PI4KA: variants seen among roughly 807,000 people sequenced by gnomAD.
The protein encoded by PI4KA is phosphatidylinositol 4-kinase alpha.
Under a neutral mutation model 271.4 loss-of-function variants are expected in PI4KA, and 122 were observed. The ratio of observed to expected loss-of-function variants is 0.45; its 90% CI spans 0.39 to 0.52. The LOEUF is 0.52. PI4KA is among the 20% of genes least tolerant of loss of function. PI4KA has a pLI of 0.00. For missense variants in PI4KA, 1,969 were observed against 2,769.1 expected, an observed-to-expected ratio of 0.71 and a Z score of 6.48; for synonymous variants, 1,041 against 1,078.8, an observed-to-expected ratio of 0.96 and a Z score of 0.69.
chr22:20,749,652 CCA>C (rs1280421893), intron 28 of PI4KA, among the ~76,000 whole-genome samples: 1 of 152,262 alleles, frequency 6.6e-6, no homozygotes, highest in African/African-American at 2.4e-5. Flanking sequence ...CCAAGTCTTG[CCA>C]CAGACCTGGC....
At chr22:20,720,048 A>C (rs1926537855) in intron 43 of PI4KA, among the ~76,000 whole-genome samples, 1 of 128,614 alleles carries the variant, frequency 7.8e-6, no homozygotes, top group Non-Finnish European at 1.6e-5. Flanking sequence ...AAAAAAAAAA[A>C]AAACCCTTTC....
intron 36 of PI4KA, among the ~76,000 whole-genome samples, chr22:20,731,861 G>A (rs1295562762): frequency 3.4e-5 from 5 of 148,988 alleles, no homozygotes; most frequent in East Asian, 2.0e-4. Context: ...CCCGGGAGGC[G>A]GAGCTTGCAG....
chr22:20,795,916 C>T (rs917441737), intron 18 of PI4KA, among the ~76,000 whole-genome samples: 9 of 152,152 alleles, frequency 5.9e-5, no homozygotes, highest in Non-Finnish European at 8.8e-5. Flanking sequence ...TAGGATGGGT[C>T]GGGCAGCTTT....
At chr22:20,762,793 G>C (rs966726133) in intron 22 of PI4KA, among the ~76,000 whole-genome samples, 1 of 152,172 alleles carries the variant, frequency 6.6e-6, no homozygotes, top group African/African-American at 2.4e-5. Context: ...ATGACAGTGA[G>C]GTCAGTGTTT....
chr22:20,816,396 T>C (rs566526151), intron 7 of PI4KA, among the ~76,000 whole-genome samples: 12 of 152,314 alleles, frequency 7.9e-5, no homozygotes, highest in African/African-American at 2.9e-4. Context: ...CCCAAGGTGC[T>C]GTGATTACAG....
intron 19 of PI4KA, among the ~76,000 whole-genome samples, chr22:20,766,139 C>T (rs1283017602): frequency 6.6e-6 from 1 of 152,216 alleles, no homozygotes; most frequent in Admixed American, 6.5e-5. Flanking sequence ...GAAAGGCAAA[C>T]AATGGATGCG....
intron 32 of PI4KA, among the ~76,000 whole-genome samples, chr22:20,738,209 G>A (rs1051611099): frequency 3.3e-5 from 5 of 152,084 alleles, no homozygotes; most frequent in African/African-American, 4.8e-5. Context: ...TCCCAGGATC[G>A]GGTCCCTCCT....
Position 20,784,081 on chromosome 22 carries a change from C to A in PI4KA, c.2328+9112G>T, listed in dbSNP as rs1008257. Reference sequence around the variant, plus strand: ...TGATGCAGACCAAGGGGAACTTCCTCGCAGCAAATGACCAGGAGCTGGACT... The same window carrying A: ...TGATGCAGACCAAGGGGAACTTCCTAGCAGCAAATGACCAGGAGCTGGACT... On this transcript the variant is annotated intron_variant, in intron 19 of 54. Coordinates refer to ENST00000255882, the MANE Select transcript of PI4KA (RefSeq NM_058004.4). 7 of 1,614,158 alleles carry A rather than the reference C, an allele frequency of 4.3e-6. No homozygotes were observed. The South Asian group carries it at 7.7e-5, about 18-fold the overall frequency.
intron 1 of PI4KA, among the ~76,000 whole-genome samples, chr22:20,842,664 T>C (rs1382889320): frequency 6.6e-6 from 1 of 151,072 alleles, no homozygotes; most frequent in Non-Finnish European, 1.5e-5. Flanking sequence ...AATACAAAAA[T>C]CAGCCAGGTG....
intron 42 of PI4KA, among the ~76,000 whole-genome samples, chr22:20,726,014 T>G (rs998295998): frequency 6.6e-6 from 1 of 152,078 alleles, no homozygotes; most frequent in Non-Finnish European, 1.5e-5. Context: ...GTTTTTTGTT[T>G]GTTTGTTTGT....
At chr22:20,840,453 T>C (rs1195299307) in intron 1 of PI4KA, among the ~76,000 whole-genome samples, 1 of 152,168 alleles carries the variant, frequency 6.6e-6, no homozygotes, top group Non-Finnish European at 1.5e-5. Context: ...GGGCATCAAG[T>C]TTAGAACTGA....
chr22:20,757,862 T>G (rs1931478091), intron 23 of PI4KA, among the ~76,000 whole-genome samples: 1 of 152,118 alleles, frequency 6.6e-6, no homozygotes, highest in African/African-American at 2.4e-5. Flanking sequence ...CCTTTTTTTG[T>G]CTCCTCAGGT....
chr22:20,807,167 G>A (rs763222105), intron 10 of PI4KA, among the ~76,000 whole-genome samples, 195 bp downstream of exon 10: 53 of 152,326 alleles, frequency 3.5e-4, no homozygotes, highest in East Asian at 5.8e-4. Context: ...CGATGGTACC[G>A]GGGTTGCAGG....
intron 19 of PI4KA, among the ~76,000 whole-genome samples, chr22:20,773,016 G>A (rs780588928): frequency 5.3e-5 from 8 of 152,020 alleles, no homozygotes; most frequent in Non-Finnish European, 1.0e-4. Flanking sequence ...GCTTCAGCTC[G>A]GGAGGTTGAG....
At chr22:20,792,844 A>T (rs1375931544) in intron 19 of PI4KA, among the ~76,000 whole-genome samples, 1 of 152,214 alleles carries the variant, frequency 6.6e-6, no homozygotes, top group Non-Finnish European at 1.5e-5. Context: ...GAAGGGATGG[A>T]AGCAGGGAGC....
At chr22:20,808,028 C>T (rs1935766196) in intron 9 of PI4KA, among the ~76,000 whole-genome samples, 2 of 151,708 alleles carry the variant, frequency 1.3e-5, no homozygotes. Context: ...TGGTGGCTCA[C>T]GCCTGTAATC....
In PI4KA at chr22:20,712,812, G is replaced by A. The variant is rs1925484075; in HGVS notation, c.5572-15C>T. The A allele has an allele frequency of 6.4e-7, 1 of 1,550,566 alleles. No individual in the cohort carries two copies. ...GCCAGCATGTCCTGGGAAGCCGGGA[G>A]GCGCAGGATGCGGTCAGTTGGCGTC... On this transcript the variant is annotated splice_polypyrimidine_tract_variant and intron_variant, in intron 48 of 54. Coordinates refer to ENST00000255882, the MANE Select transcript of PI4KA (RefSeq NM_058004.4).
chr22:20,721,568 G>C, intron 42 of PI4KA, 150 bp from the exon 43 acceptor site: 3 of 763,304 alleles, frequency 3.9e-6, no homozygotes, highest in Non-Finnish European at 6.4e-6. Flanking sequence ...CAGGATTGAT[G>C]TTGAGTCCAG....
rs1160353084 is a variant in PI4KA, at chr22:20,858,675, G to A, written c.51C>T (p.Gly17=). 3.4e-6 allele frequency: 5 copies of A among 1,472,436 alleles called. No homozygotes were observed. The highest frequency in any genetic ancestry group is 4.6e-5 in the Admixed American group (2 of 43,370). 91.2% of individuals were successfully genotyped at this position (1,472,436 alleles called of 1,614,324 possible). ...RGGGGGGGGG[G]GCSGSGSSAS... ...CGCTGGAGCCGGAGCCGGAGCAGCCGCCGCCGCCTCCGCCTCCGCCTCCGC... is the reference window on the plus strand; with the variant it reads ...CGCTGGAGCCGGAGCCGGAGCAGCCACCGCCGCCTCCGCCTCCGCCTCCGC... Residue 17 remains glycine, a synonymous_variant, in exon 1 of 55, where the codon GGC becomes GGT. Coordinates refer to ENST00000255882, the MANE Select transcript of PI4KA (RefSeq NM_058004.4).
Sources: gnomAD v4.1 joint callset for allele counts (sites outside exome capture counted in the v4.1 genomes callset) on GRCh38, gnomAD v4.1.1 for gene constraint, MANE v1.5 for transcripts, NCBI Gene and HGNC (gene_info 2026-07-23, HGNC 2026-07-21) for gene names.